Variants in NKTR observed in about 807,000 individuals in gnomAD.
NKTR encodes NK-tumor recognition protein.
Under a neutral mutation model 156.3 loss-of-function variants are expected in NKTR, and 67 were observed. That is an observed-to-expected ratio of 0.43 (90% CI 0.35 to 0.53). The LOEUF (loss-of-function observed/expected upper bound fraction) is 0.53. NKTR is among the 20% of genes least tolerant of loss of function. The pLI is 0.01. For synonymous variants in NKTR, 640 were observed against 596.6 expected, an observed-to-expected ratio of 1.07 and a Z score of -1.06; for missense variants, 1,604 against 1,730.9, an observed-to-expected ratio of 0.93 and a Z score of 1.30.
chr3:42,628,889 C>G, intron 6 of NKTR: 1 of 239,578 alleles, frequency 4.2e-6, no homozygotes, highest in Non-Finnish European at 6.7e-6. Flanking sequence ...ATAATCCCAG[C>G]TACTCAGGAG....
In NKTR at chr3:42,638,245, C is replaced by T. The variant is rs368090188; in HGVS notation, c.2541C>T (p.Ser847=). The change falls in exon 13 of 17, where the codon TCC becomes TCT. Residue 847 remains serine (S), a synonymous_variant. Transcript: ENST00000232978. ...KQEKNRGEEK[S]KSERECPHSK... ...AAAAAAACAGAGGTGAAGAAAAATC[C>T]AAGTCTGAACGGGAATGCCCTCATT... The T allele has an allele frequency of 1.9e-6, 3 of 1,612,764 alleles. No individual in the cohort carries two copies. Among genetic ancestry groups the T allele is most frequent in the South Asian group, 2.2e-5 (2 of 90,820 alleles).
chr3:42,623,135 GT>G (rs1411563762), intron 6 of NKTR, among the ~76,000 whole-genome samples: 1 of 151,560 alleles, frequency 6.6e-6, no homozygotes, highest in East Asian at 1.9e-4. Flanking sequence ...TTGCTTCAGT[GT>G]TTTCTAGGAA....
At chr3:42,606,288 A>G (rs1577418059) in intron 2 of NKTR, among the ~76,000 whole-genome samples, 1 of 152,178 alleles carries the variant, frequency 6.6e-6, no homozygotes, top group Admixed American at 6.5e-5. Context: ...AGTTATTTTT[A>G]TATGTGATTT....
rs768634849 is a variant in NKTR at position 42,638,121 on chromosome 3, A to G, written c.2417A>G (p.Asp806Gly). 9.3e-6 allele frequency: 15 copies of G among 1,613,878 alleles called. No individual in the cohort carries two copies. The South Asian group carries it at 1.3e-4, about 14-fold the overall frequency. The change falls in exon 13 of 17, where the codon GAT becomes GGT. Residue 806 changes from aspartate (D) to glycine (G), a missense_variant. This residue lies in a region of NKTR where 1,255 missense variants were observed against 1,243.7 expected (regional missense o/e 1.01). Transcript: ENST00000232978. Reference protein sequence around the residue: ...RKYSESRSSLDYSSDSEQSSV... With the variant: ...RKYSESRSSLGYSSDSEQSSV... ...TATAGCGAGAGCAGATCATCTTTAG[A>G]TTATTCTTCAGACAGTGAGCAGTCA... is the stretch of plus-strand genomic sequence containing the variant.
rs768297836 is a variant in NKTR at position 42,637,610 on chromosome 3, A to T, written c.1906A>T (p.Met636Leu). The change falls in exon 13 of 17, where the codon ATG becomes TTG. Residue 636 changes from methionine (M) to leucine (L), a missense_variant. Transcript: ENST00000232978. ...GCCCTCTTATGAGCGAATTCAGGAAATGAAAGCTAAAACAACCCATTTGCT... is the reference window on the plus strand; with the variant it reads ...GCCCTCTTATGAGCGAATTCAGGAATTGAAAGCTAAAACAACCCATTTGCT... The part of the protein sequence containing the change: ...WKPSYERIQE[M>L]KAKTTHLLPI... 6.2e-7 allele frequency: 1 copy of T among 1,609,940 alleles called. No individual in the cohort carries two copies. The highest frequency in any genetic ancestry group is 1.1e-5 in the South Asian group (1 of 90,032).
intron 2 of NKTR, among the ~76,000 whole-genome samples, chr3:42,604,967 G>A (rs1706087746): frequency 6.6e-6 from 1 of 151,944 alleles, no homozygotes; most frequent in African/African-American, 2.4e-5. Context: ...TGGGATTACA[G>A]GCATGAGCCA....
At chr3:42,615,382 ATT>A (rs532851344) in intron 2 of NKTR, among the ~76,000 whole-genome samples, 27 of 139,158 alleles carry the variant, frequency 1.9e-4, no homozygotes, top group Admixed American at 4.3e-4. Flanking sequence ...CCTGGCCGAG[ATT>A]TTTTTTTTTT....
intron 6 of NKTR, chr3:42,627,513 A>G: frequency 1.0e-6 from 1 of 985,204 alleles, no homozygotes; most frequent in Non-Finnish European, 1.2e-6. Flanking sequence ...GGAATTAGTC[A>G]TTTCTGTATA....
rs189781698 is a variant in NKTR at position 42,629,190 on chromosome 3, G to C, written c.375-1356G>C. Reference sequence around the variant, plus strand: ...TAGTTTAATGATTTAAACACTAGTGGCTCACTAATTCACTAGATAGTTTTT... The same window carrying C: ...TAGTTTAATGATTTAAACACTAGTGCCTCACTAATTCACTAGATAGTTTTT... On this transcript the variant is annotated intron_variant, in intron 6 of 16. Transcript: ENST00000232978. The C allele has an allele frequency of 1.8e-5, 18 of 984,798 alleles. No homozygotes were observed. In the Admixed American group the frequency reaches 4.9e-4, roughly 27 times the overall value. 61.0% of individuals were successfully genotyped at this position (984,798 alleles called of 1,614,324 possible). A position where few individuals can be genotyped will look rare whatever the true frequency, so the allele number is the denominator to read the frequency against.
At chr3:42,634,284 T>G (rs187925022) in intron 10 of NKTR, among the ~76,000 whole-genome samples, 287 of 152,348 alleles carry the variant, frequency 1.9e-3, no homozygotes, top group African/African-American at 6.6e-3. Context: ...TAATGTATTT[T>G]GTGTGTTAGA....
At chr3:42,619,740 C>A (rs191561473) in intron 5 of NKTR, 32 bp downstream of exon 5, 1 of 1,606,088 alleles carries the variant, frequency 6.2e-7, no homozygotes, top group Non-Finnish European at 8.5e-7. Context: ...TCTTTTGTTT[C>A]AGTTCTGATA....
intron 2 of NKTR, among the ~76,000 whole-genome samples, chr3:42,603,360 TAAAAAAAA>T (rs376932471): frequency 0.014 from 1,277 of 92,740 alleles, 20 homozygotes; most frequent in African/African-American, 0.04. Flanking sequence ...ATCTTGTTTC[TAAAAAAAA>T]AAAAAAAAAA....
At chr3:42,615,664 C>T (rs914979790) in intron 2 of NKTR, among the ~76,000 whole-genome samples, 15 of 152,106 alleles carry the variant, frequency 9.9e-5, no homozygotes, top group Non-Finnish European at 1.2e-4. Context: ...TCGATTATGT[C>T]TTCTATCCTG....
At chr3:42,645,388 A>C (rs185543683) in intron 16 of NKTR, among the ~76,000 whole-genome samples, 19 of 152,264 alleles carry the variant, frequency 1.2e-4, no homozygotes, top group Non-Finnish European at 2.1e-4. Flanking sequence ...ACAGCTTCAA[A>C]AAGTCCATAG....
intron 9 of NKTR, 154 bp downstream of exon 9, chr3:42,632,977 A>T (rs997637603): frequency 9.9e-6 from 13 of 1,316,850 alleles, no homozygotes; most frequent in African/African-American, 3.1e-5. Context: ...ATCTAGGAGT[A>T]GGTAGCATAG....
intron 3 of NKTR, 100 bp downstream of exon 3, chr3:42,617,744 T>A: frequency 1.6e-6 from 1 of 615,980 alleles, no homozygotes; most frequent in Non-Finnish European, 2.9e-6. Flanking sequence ...CTCGTGAAAT[T>A]AGTTTTGTGA....
chr3:42,639,460 C>T lies in NKTR; in HGVS notation c.3756C>T (p.Thr1252=), dbSNP rs750210855. ...GTGCTGTGGAAGTTAAGGTGTTGAC[C>T]ACTGTGCCTGAAATGAAACCACAAG... ...TSSAVEVKVL[T]TVPEMKPQGL... The change falls in exon 13 of 17, where the codon ACC becomes ACT. Residue 1252 remains threonine (T), a synonymous_variant. Transcript: ENST00000232978. The T allele has an allele frequency of 2.5e-6, 4 of 1,614,146 alleles. No homozygotes were observed. The highest frequency in any genetic ancestry group is 3.4e-6 in the Non-Finnish European group (4 of 1,180,016).
In NKTR at chr3:42,632,716, A is replaced by G. The variant is rs1181876315; in HGVS notation, c.666A>G (p.Arg222=). 18 of 1,613,794 alleles carry G rather than the reference A, an allele frequency of 1.1e-5. No individual in the cohort carries two copies. The East Asian group carries it at 2.9e-4, about 26-fold the overall frequency. The part of the protein sequence containing the change: ...SESELEHERS[R]RRKHKRRPKV... ...GTGAACTTGAACATGAGAGAAGCAG[A>G]AGGAGGAAACATAAGAGGAGGCCAA... The change falls in exon 9 of 17, where the codon AGA becomes AGG. Residue 222 remains arginine, a synonymous_variant. Coordinates refer to ENST00000232978, the MANE Select transcript of NKTR (RefSeq NM_005385.4).
chr3:42,605,503 T>C (rs2125759198), intron 2 of NKTR, among the ~76,000 whole-genome samples: 1 of 152,374 alleles, frequency 6.6e-6, no homozygotes, highest in Non-Finnish European at 1.5e-5. Context: ...CTTGTGTCCT[T>C]GGTCAAGCCG....
Sources: allele counts gnomAD v4.1 joint callset (sites outside exome capture counted in the v4.1 genomes callset), GRCh38; gene constraint gnomAD v4.1.1; regional missense constraint gnomAD v4.1.1; transcripts MANE v1.5; gene names NCBI Gene and HGNC (gene_info 2026-07-23, HGNC 2026-07-21).